The following CSMD2 variants were observed in gnomAD, a reference collection of about 807,000 sequenced individuals.
CSMD2 encodes CUB and Sushi multiple domains 2.
Under a neutral mutation model 398.5 loss-of-function variants are expected in CSMD2, and 130 were observed. The observed-to-expected ratio is 0.33, with a 90% confidence interval of 0.28 to 0.38. The LOEUF (loss-of-function observed/expected upper bound fraction) is 0.38. CSMD2 is among the 10% of genes least tolerant of loss of function. The probability of loss-of-function intolerance (pLI) is 1.00; values close to 1 mark genes in which losing one functional copy is unlikely to be tolerated. For missense variants in CSMD2, 3,829 were observed against 4,764.9 expected (o/e 0.80, Z 5.78); for synonymous variants, 1,828 against 1,908.5 (o/e 0.96, Z 1.10).
At chr1:33,753,567 C>T (rs1223900395) in intron 13 of CSMD2, among the ~76,000 whole-genome samples, 2 of 152,250 alleles carry the variant, frequency 1.3e-5, no homozygotes, top group Non-Finnish European at 2.9e-5. Flanking sequence ...CAGAGTCCCA[C>T]CAGTGAAGTG....
intron 38 of CSMD2, among the ~76,000 whole-genome samples, chr1:33,617,298 A>G (rs978301717): frequency 6.6e-6 from 1 of 152,226 alleles, no homozygotes; most frequent in Non-Finnish European, 1.5e-5. Context: ...GCAGGAACAC[A>G]TTGGAGGTTG....
chr1:33,846,880 C>T lies in CSMD2; in HGVS notation c.1033+4G>A, dbSNP rs1212220992. ...GAAGCCAGACAGTCCTGGGACCTGC[C>T]TACCTTGGTATTGGGCACTGAATCC... On this transcript the variant is annotated splice_donor_region_variant and intron_variant, in intron 6 of 70. Transcript: ENST00000373381. 5 of 1,588,834 alleles carry T rather than the reference C, an allele frequency of 3.1e-6. No homozygotes were observed. The highest frequency in any genetic ancestry group is 1.7e-5 in the Admixed American group (1 of 58,058).
At chr1:33,571,467 T>C (rs1487239755) in intron 51 of CSMD2, 65 bp downstream of exon 51, 1 of 1,281,346 alleles carries the variant, frequency 7.8e-7, no homozygotes, top group South Asian at 2.6e-5. Flanking sequence ...GTTCACTCCA[T>C]GCATGAGACA....
intron 1 of CSMD2, among the ~76,000 whole-genome samples, chr1:34,158,094 G>C (rs570370302): frequency 1.3e-5 from 2 of 152,150 alleles, no homozygotes; most frequent in Non-Finnish European, 2.9e-5. Flanking sequence ...CTAGAGTCCA[G>C]GGGAAAAATA....
chr1:34,157,468 C>T (rs1372475317), intron 1 of CSMD2, among the ~76,000 whole-genome samples: 1 of 152,048 alleles, frequency 6.6e-6, no homozygotes, highest in Non-Finnish European at 1.5e-5. Flanking sequence ...ATCTGACTCA[C>T]CTCTATCTCA....
At chr1:33,647,007 A>G (rs1194169135) in intron 28 of CSMD2, among the ~76,000 whole-genome samples, 172 bp from the exon 29 acceptor site, 1 of 152,150 alleles carries the variant, frequency 6.6e-6, no homozygotes, top group East Asian at 1.9e-4. Flanking sequence ...GGCCCTGATG[A>G]CCTCAGTCAG....
intron 2 of CSMD2, among the ~76,000 whole-genome samples, chr1:34,045,124 T>C (rs1652364756): frequency 6.6e-6 from 1 of 151,888 alleles, no homozygotes; most frequent in South Asian, 2.1e-4. Context: ...TTGCATTTCA[T>C]CAAGAGCTTC....
rs757202600 is a variant in CSMD2 at position 33,541,225 on chromosome 1, T to A, written c.9362A>T (p.Gln3121Leu). Residue 3121 changes from glutamine to leucine, a missense_variant, in exon 59 of 71, where the codon CAG (glutamine) becomes CTG (leucine). This residue lies in a region of CSMD2 where 917 missense variants were observed against 1,199.5 expected (regional missense o/e 0.76). Coordinates refer to ENST00000373381, the MANE Select transcript of CSMD2 (RefSeq NM_001281956.2). ...CTCCATCATATAGCCAGGGACACAC[T>A]GATATGTCACAGTTTTGTTGTACCT... The part of the protein sequence containing the change: ...DFRYNKTVTY[Q>L]CVPGYMMESH... 1.2e-6 allele frequency: 2 copies of A among 1,613,894 alleles called. No individual in the cohort carries two copies. The highest frequency in any genetic ancestry group is 4.5e-5 in the East Asian group (2 of 44,878).
intron 10 of CSMD2, among the ~76,000 whole-genome samples, chr1:33,801,777 G>A (rs572613828): frequency 6.6e-6 from 1 of 152,320 alleles, no homozygotes; most frequent in South Asian, 2.1e-4. Flanking sequence ...GGAGGAGAAG[G>A]GAAGGCACAC....
intron 4 of CSMD2, among the ~76,000 whole-genome samples, chr1:33,928,655 A>G (rs1343254761): frequency 6.6e-6 from 1 of 152,226 alleles, no homozygotes; most frequent in African/African-American, 2.4e-5. Flanking sequence ...CCATATCGTG[A>G]AACGTTCTGG....
At chr1:33,983,659 CA>C (rs974663908) in intron 3 of CSMD2, among the ~76,000 whole-genome samples, 20 of 151,952 alleles carry the variant, frequency 1.3e-4, no homozygotes, top group African/African-American at 4.8e-4. Flanking sequence ...GCTTTCTCCC[CA>C]GCCCATCACC....
chr1:33,673,290 C>T (rs543347885), intron 25 of CSMD2, among the ~76,000 whole-genome samples: 22 of 152,306 alleles, frequency 1.4e-4, no homozygotes, highest in Admixed American at 3.3e-4. Flanking sequence ...CTGAAAACCA[C>T]GGCACGAGAA....
chr1:33,960,623 T>C (rs1435231287), intron 3 of CSMD2, among the ~76,000 whole-genome samples: 2 of 152,128 alleles, frequency 1.3e-5, no homozygotes, highest in African/African-American at 4.8e-5. Context: ...TGGAAGCCTG[T>C]GCCAGGCACC....
At chr1:34,097,917 A>T (rs1405381651) in intron 1 of CSMD2, among the ~76,000 whole-genome samples, 1 of 128,164 alleles carries the variant, frequency 7.8e-6, no homozygotes, top group Admixed American at 8.5e-5. Context: ...TACTGGGTAT[A>T]TACCCAAAGG....
At chr1:33,961,049 G>A (rs960398808) in intron 3 of CSMD2, among the ~76,000 whole-genome samples, 11 of 152,176 alleles carry the variant, frequency 7.2e-5, no homozygotes, top group South Asian at 4.1e-4. Context: ...ATGAAATCCA[G>A]GCCATCAATG....
At position 33,533,725 on chromosome 1, in the gene CSMD2, T is replaced by C; in HGVS notation, c.9991+71A>G. 1.0e-6 allele frequency: 1 copy of C among 980,516 alleles called. No individual in the cohort carries two copies. The highest frequency in any genetic ancestry group is 1.6e-6 in the Non-Finnish European group (1 of 612,958). The allele number at this position is 980,516 out of a possible 1,614,324, so 60.7% of individuals were successfully genotyped here. On this transcript the variant is annotated intron_variant, in intron 63 of 70. Coordinates refer to ENST00000373381, the MANE Select transcript of CSMD2 (RefSeq NM_001281956.2). The surrounding 1 kb of genome is among the most constrained non-coding windows in gnomAD (Gnocchi z 4.2). ...GTGAACTCCCTGTCATTCAGAGCAT[T>C]CAAACATGACCCAGATGCCCAGCTG...
At chr1:33,705,785 G>A (rs929391560) in intron 22 of CSMD2, among the ~76,000 whole-genome samples, 1 of 151,766 alleles carries the variant, frequency 6.6e-6, no homozygotes, top group Non-Finnish European at 1.5e-5. Context: ...CGCCCAGGCT[G>A]GAGTGCAGTG....
At chr1:33,666,007 T>C (rs1265630835) in intron 25 of CSMD2, among the ~76,000 whole-genome samples, 3 of 152,186 alleles carry the variant, frequency 2.0e-5, no homozygotes, top group African/African-American at 7.2e-5. Context: ...GATGACACGC[T>C]CATAGCTGAA....
intron 29 of CSMD2, among the ~76,000 whole-genome samples, chr1:33,641,985 T>C (rs1248229606): frequency 6.6e-6 from 1 of 152,188 alleles, no homozygotes; most frequent in African/African-American, 2.4e-5. Context: ...CAGTGGACAC[T>C]TGAATTAAGC....
Sources: allele counts gnomAD v4.1 joint callset (sites outside exome capture counted in the v4.1 genomes callset), GRCh38; gene constraint gnomAD v4.1.1; regional missense constraint gnomAD v4.1.1; non-coding constraint Gnocchi (gnomAD v3.1); transcripts MANE v1.5; gene names NCBI Gene and HGNC (gene_info 2026-07-23, HGNC 2026-07-21).